Variants in SLC17A2 observed in about 807,000 individuals in gnomAD.
SLC17A2 encodes the protein sodium-dependent phosphate transport protein 3.
In SLC17A2, 38 loss-of-function variants were observed where a neutral mutation model predicts 52.1. The observed-to-expected ratio is 0.73, with a 90% CI of 0.56 to 0.96. The LOEUF (loss-of-function observed/expected upper bound fraction) is 0.96, where lower values mean the gene tolerates loss of function less well. Ranked by LOEUF, SLC17A2 falls within the 40% of genes least tolerant of loss-of-function variation. The probability of loss-of-function intolerance (pLI) is 0.00; values close to 1 mark genes in which losing one functional copy is unlikely to be tolerated. For missense variants in SLC17A2, 508 were observed against 583.9 expected (o/e 0.87, Z 1.34); for synonymous variants, 226 against 211.9 (o/e 1.07, Z -0.58).
At chr6:25,921,114 A>G (rs1766539205) in intron 4 of SLC17A2, 21 bp from the exon 5 acceptor site, 1 of 1,613,782 alleles carries the variant, frequency 6.2e-7, no homozygotes, top group Non-Finnish European at 8.5e-7. Flanking sequence ...AATCATTAAG[A>G]CCTTTGATAT....
rs542905514 is a variant in SLC17A2 at position 25,916,333 on chromosome 6, G to A, written c.930+352C>T. 1.2e-4 allele frequency among the ~76,000 whole-genome samples: 18 copies of A among 152,170 alleles called. No individual in the cohort carries two copies. In the South Asian group the frequency reaches 2.7e-3, roughly 23 times the overall value. On this transcript the variant is annotated intron_variant, in intron 8 of 11. Transcript: ENST00000377850. The stretch of plus-strand genomic sequence containing the variant: ...CCTGACCTCATGATCTGCCTGCCTC[G>A]GCCTCCCAAAGTGCTGGAATTACAG...
Position 25,923,893 on chromosome 6 carries a change from A to G in SLC17A2, c.42T>C (p.Cys14=). ...KPATRKGPDF[C]SLRYGLALIM... ...TAAGAGCCAGCCCATAGCGTAATGA[A>G]CAGAAATCTGGACCTAGACAACAAC... Residue 14 remains cysteine, a synonymous_variant, in exon 3 of 12, where the codon TGT becomes TGC. Coordinates refer to ENST00000377850, the MANE Select transcript of SLC17A2 (RefSeq NM_001286123.3). 1 of 1,614,024 alleles carries G rather than the reference A, an allele frequency of 6.2e-7. No individual in the cohort carries two copies. The highest frequency in any genetic ancestry group is 8.5e-7 in the Non-Finnish European group (1 of 1,179,976).
In SLC17A2 at chr6:25,919,699, C is replaced by CAAAAAAAAAAAAAAA. The variant is rs766352177; in HGVS notation, c.563-1141_563-1127dup. ...TGGGCGAAAGAGTGAGACACCGTCT[C>CAAAAAAAAAAAAAAA]AAAAAAAAAAAAAAAAAAAAAAAAA... is the stretch of plus-strand genomic sequence containing the variant. On this transcript the variant is annotated intron_variant, in intron 5 of 11. Transcript: ENST00000377850. 6.4e-3 allele frequency among the ~76,000 whole-genome samples: 198 copies of CAAAAAAAAAAAAAAA among 31,152 alleles called. 30 individuals are homozygous for CAAAAAAAAAAAAAAA. Among genetic ancestry groups the CAAAAAAAAAAAAAAA allele is most frequent in the Admixed American group, 8.4e-3 (16 of 1,906 alleles). The allele number at this position is 31,152 out of a possible 152,430, so 20.4% of individuals were successfully genotyped here. A position where few individuals can be genotyped will look rare whatever the true frequency, so the allele number is the denominator to read the frequency against.
In SLC17A2 at chr6:25,915,567, T is replaced by C; in HGVS notation, c.1143A>G (p.Ile381Met). 1 of 1,603,300 alleles carries C rather than the reference T, an allele frequency of 6.2e-7. No homozygotes were observed. Among genetic ancestry groups the C allele is most frequent in the Non-Finnish European group, 8.5e-7 (1 of 1,174,780 alleles). ...ATAGGTTACTGGTCCCAGGAATAAG[T>C]ATCAGCAAAATAATGGTTATCACGT... ...SSYVITIILLILIPGTSNLCD... is the reference protein window; with the variant it reads ...SSYVITIILLMLIPGTSNLCD... Residue 381 changes from isoleucine to methionine, a missense_variant, in exon 10 of 12, where the codon ATA (isoleucine) becomes ATG (methionine). Coordinates refer to ENST00000377850, the MANE Select transcript of SLC17A2 (RefSeq NM_001286123.3).
rs1223210510 is a variant in SLC17A2 at position 25,915,769 on chromosome 6, A to G, written c.1030T>C (p.Leu344=). ...DFLLSRNLLR[L]ITVRKLFSSL... is the part of the protein sequence containing the mutation. Reference sequence around the variant, plus strand: ...GAAAAGAGCTTTCGCACAGTGATCAATCTGAGAAGATTCCTGGACAAAAGG... The same window carrying G: ...GAAAAGAGCTTTCGCACAGTGATCAGTCTGAGAAGATTCCTGGACAAAAGG... The change falls in exon 9 of 12, where the codon TTG becomes CTG. Residue 344 remains leucine (L), a synonymous_variant. Transcript: ENST00000377850. 6.2e-7 allele frequency: 1 copy of G among 1,614,218 alleles called. No individual in the cohort carries two copies. The highest frequency in any genetic ancestry group is 1.1e-5 in the South Asian group (1 of 91,086).
intron 1 of SLC17A2, among the ~76,000 whole-genome samples, chr6:25,927,217 C>A (rs898708340): frequency 1.3e-5 from 2 of 152,152 alleles, no homozygotes; most frequent in Admixed American, 6.5e-5. Flanking sequence ...TAAAGAAAGG[C>A]ATAGATGAAA....
At chr6:25,926,589 A>G (rs1322430542) in intron 1 of SLC17A2, among the ~76,000 whole-genome samples, 3 of 152,198 alleles carry the variant, frequency 2.0e-5, no homozygotes, top group African/African-American at 7.2e-5. Flanking sequence ...GGACATGTTT[A>G]ATTTAATATT....
intron 1 of SLC17A2, among the ~76,000 whole-genome samples, chr6:25,927,391 A>T (rs938989826): frequency 1.3e-5 from 2 of 152,218 alleles, no homozygotes; most frequent in African/African-American, 4.8e-5. Flanking sequence ...GAAAAATGCT[A>T]GTACTCTAGT....
chr6:25,915,270 A>G lies in SLC17A2; in HGVS notation c.1211+229T>C, dbSNP rs532645527. On this transcript the variant is annotated intron_variant, in intron 10 of 11. Transcript: ENST00000377850. ...ATACACAGTTCAATCTCTGTTAGGG[A>G]AGCTTGGGAAGGTTTTTGTCAAAAT... Among the ~76,000 whole-genome samples the G allele has an allele frequency of 1.5e-3, 226 of 149,506 alleles. 1 individual carries two copies. The highest frequency in any genetic ancestry group is 2.7e-3 in the Non-Finnish European group (180 of 67,476).
intron 8 of SLC17A2, 83 bp from the exon 9 acceptor site, chr6:25,915,951 T>C: frequency 7.4e-7 from 1 of 1,348,742 alleles, no homozygotes; most frequent in Non-Finnish European, 1.0e-6. Flanking sequence ...AGCCATTAAC[T>C]TACCCCCATG....
chr6:25,915,531 C>T lies in SLC17A2; in HGVS notation c.1179G>A (p.Gly393=), dbSNP rs60563523. The change falls in exon 10 of 12, where the codon GGG becomes GGA. Residue 393 remains glycine (G), a synonymous_variant. Coordinates refer to ENST00000377850, the MANE Select transcript of SLC17A2 (RefSeq NM_001286123.3). The stretch of plus-strand genomic sequence containing the variant: ...CGATATCTAAGGTGTTGATGATAAA[C>T]CCTGAGTCACATAGGTTACTGGTCC... The part of the protein sequence containing the change: ...IPGTSNLCDS[G]FIINTLDIAP... 748 of 1,563,620 alleles carry T rather than the reference C, an allele frequency of 4.8e-4. 4 individuals are homozygous for T. The African/African-American group carries it at 8.7e-3, about 18-fold the overall frequency.
chr6:25,928,265 T>C (rs918064695), intron 1 of SLC17A2, among the ~76,000 whole-genome samples: 25 of 152,084 alleles, frequency 1.6e-4, no homozygotes, highest in African/African-American at 5.8e-4. Context: ...ATCACAAGCT[T>C]AAAACTCAAT....
At position 25,915,490 on chromosome 6, in the gene SLC17A2, A is replaced by C. The variant is rs201435750; in HGVS notation, c.1211+9T>G. On this transcript the variant is annotated intron_variant, in intron 10 of 11. Coordinates refer to ENST00000377850, the MANE Select transcript of SLC17A2 (RefSeq NM_001286123.3). Reference sequence around the variant, plus strand: ...CTGGAGGAGGGGAAAAAACAGGTAGAGCTCTTACCTGGGGGCGATATCTAA... The same window carrying C: ...CTGGAGGAGGGGAAAAAACAGGTAGCGCTCTTACCTGGGGGCGATATCTAA... The C allele has an allele frequency of 1.0e-4, 156 of 1,547,812 alleles. No individual in the cohort carries two copies. The highest frequency in any genetic ancestry group is 1.4e-4 in the Non-Finnish European group (155 of 1,146,004).
At chr6:25,919,228 T>G (rs1391722388) in intron 5 of SLC17A2, among the ~76,000 whole-genome samples, 1 of 152,144 alleles carries the variant, frequency 6.6e-6, no homozygotes, top group Non-Finnish European at 1.5e-5. Flanking sequence ...TCCAATGCAC[T>G]CCAACAATTT....
In SLC17A2 at chr6:25,913,374, C is replaced by A. The variant is rs137914186; in HGVS notation, c.1380G>T (p.Thr460=). ...VNMFGLVFYL[T]FGQAELQDWA... ...AGTCTTGAAGTTCTGCTTGTCCAAA[C>A]GTGAGGTAAAAGACCAGGCCAAACA... The change falls in exon 12 of 12, where the codon ACG becomes ACT. Residue 460 remains threonine (T), a synonymous_variant. Transcript: ENST00000377850. 3.1e-6 allele frequency: 5 copies of A among 1,613,952 alleles called. No homozygotes were observed. The highest frequency in any genetic ancestry group is 2.2e-5 in the East Asian group (1 of 44,884).
In SLC17A2 at chr6:25,916,745, G is replaced by A. The variant is rs1334496523; in HGVS notation, c.870C>T (p.Thr290=). 3 of 1,613,806 alleles carry A rather than the reference G, an allele frequency of 1.9e-6. No homozygotes were observed. Among genetic ancestry groups the A allele is most frequent in the Non-Finnish European group, 1.7e-6 (2 of 1,179,698 alleles). Reference sequence around the variant, plus strand: ...ACGTTGGTAGGTATGTTAGGATGATGGTGCACAACCAGAAATGGCTGAAAA... The same window carrying A: ...ACGTTGGTAGGTATGTTAGGATGATAGTGCACAACCAGAAATGGCTGAAAA... ...LGFFSHFWLC[T]IILTYLPTYI... The change falls in exon 8 of 12, where the codon ACC becomes ACT. Residue 290 remains threonine, a synonymous_variant. Transcript: ENST00000377850.
intron 8 of SLC17A2, 129 bp downstream of exon 8, chr6:25,916,556 G>T (rs1766324624): frequency 9.3e-6 from 7 of 755,348 alleles, no homozygotes; most frequent in Non-Finnish European, 1.5e-5. Flanking sequence ...TTATAACAAT[G>T]CCTCTCTCAA....
rs1017796854 is a variant in SLC17A2, at chr6:25,930,653, A to T, written c.-460T>A. On this transcript the variant is annotated 5_prime_UTR_variant, in exon 1 of 12. Coordinates refer to ENST00000377850, the MANE Select transcript of SLC17A2 (RefSeq NM_001286123.3). ...TACTTTTGCAGATTTTTACAGGGATAAATAGTGAGCCACGTGGCAGTCAGA... is the reference window on the plus strand; with the variant it reads ...TACTTTTGCAGATTTTTACAGGGATTAATAGTGAGCCACGTGGCAGTCAGA... 1.3e-5 allele frequency: 2 copies of T among 152,196 alleles called. No homozygotes were observed. The highest frequency in any genetic ancestry group is 4.8e-5 in the African/African-American group (2 of 41,452). The allele number at this position is 152,196 out of a possible 1,614,324, so 9.4% of individuals were successfully genotyped here.
In SLC17A2 at chr6:25,921,296, T is replaced by C; in HGVS notation, c.357A>G (p.Lys119=). Residue 119 remains lysine (K), a synonymous_variant, in exon 4 of 12, where the codon AAA becomes AAG. Coordinates refer to ENST00000377850, the MANE Select transcript of SLC17A2 (RefSeq NM_001286123.3). ...TCAGCAAACCAGCACCAAGCATTTT[T>C]TTTGCTCCAAATATCCCTGCTAAAT... ...SGYLAGIFGA[K]KMLGAGLLIS... 1 of 1,614,188 alleles carries C rather than the reference T, an allele frequency of 6.2e-7. No individual in the cohort carries two copies. Among genetic ancestry groups the C allele is most frequent in the South Asian group, 1.1e-5 (1 of 91,076 alleles).
Sources: allele counts gnomAD v4.1 joint callset (sites outside exome capture counted in the v4.1 genomes callset), GRCh38; gene constraint gnomAD v4.1.1; transcripts MANE v1.5; gene names NCBI Gene and HGNC (gene_info 2026-07-23, HGNC 2026-07-21).